The following HPSE variants were observed in gnomAD, a reference collection of about 807,000 sequenced individuals.
The protein encoded by HPSE is heparanase.
A neutral mutation model predicts 65.1 loss-of-function variants in HPSE; 48 were observed. The ratio of observed to expected loss-of-function variants is 0.74; its 90% CI spans 0.58 to 0.94. The LOEUF is 0.94. Ranked by LOEUF, HPSE falls within the 40% of genes least tolerant of loss-of-function variation. The pLI is 0.00. For synonymous variants in HPSE, 243 were observed against 260.0 expected, an observed-to-expected ratio of 0.93 and a Z score of 0.63; for missense variants, 644 against 637.5, an observed-to-expected ratio of 1.01 and a Z score of -0.11.
At chr4:83,301,557 T>A (rs1735949014) in intron 10 of HPSE, among the ~76,000 whole-genome samples, 1 of 152,196 alleles carries the variant, frequency 6.6e-6, no homozygotes, top group Non-Finnish European at 1.5e-5. Context: ...TGACATTTTT[T>A]ATGAATTTAT....
rs529459141 is a variant in HPSE at position 83,296,720 on chromosome 4, G to C, written c.1473-1217C>G. ...AAGAGAACGTATAAGATTAGTTACT[G>C]TCAGAGTTATATTTATATCATTTAG... On this transcript the variant is annotated intron_variant, in intron 11 of 11. Transcript: ENST00000311412. 2.6e-3 allele frequency among the ~76,000 whole-genome samples: 395 copies of C among 151,452 alleles called. 2 individuals carry two copies. The highest frequency in any genetic ancestry group is 9.0e-3 in the African/African-American group (373 of 41,348).
intron 11 of HPSE, among the ~76,000 whole-genome samples, chr4:83,296,836 T>A (rs945099699): frequency 6.6e-6 from 1 of 152,146 alleles, no homozygotes; most frequent in Non-Finnish European, 1.5e-5. Flanking sequence ...TTATTATTAC[T>A]AAGATAAATA....
In HPSE at chr4:83,306,319, T is replaced by C. The variant is rs1478857033; in HGVS notation, c.1092-2A>G. 6.4e-7 allele frequency: 1 copy of C among 1,570,602 alleles called. No individual in the cohort carries two copies. The highest frequency in any genetic ancestry group is 1.7e-5 in the Admixed American group (1 of 59,968). On this transcript the variant is annotated splice_acceptor_variant, in intron 8 of 11. Transcript: ENST00000311412. LOFTEE classifies it high-confidence loss of function. ...GACAGGCCCAATTTATCCAGCCACCTGGGACAGAGCAAGACCAAGCTTTCT... is the reference window on the plus strand; with the variant it reads ...GACAGGCCCAATTTATCCAGCCACCCGGGACAGAGCAAGACCAAGCTTTCT...
chr4:83,327,483 AC>A (rs1737198477), intron 1 of HPSE, among the ~76,000 whole-genome samples: 1 of 152,248 alleles, frequency 6.6e-6, no homozygotes, highest in Non-Finnish European at 1.5e-5. Context: ...CAGTATTTCA[AC>A]CATATACAAG....
Position 83,310,881 on chromosome 4 carries a change from CT to C in HPSE, c.682del (p.Ser228ValfsTer15). The C allele has an allele frequency of 6.2e-7, 1 of 1,611,768 alleles. No homozygotes were observed. Among genetic ancestry groups the C allele is most frequent in the Non-Finnish European group, 8.5e-7 (1 of 1,178,586 alleles). On this transcript the variant is annotated frameshift_variant, in exon 5 of 12. Transcript: ENST00000311412. LOFTEE classifies it high-confidence loss of function. ...GAAAATATCAGCCTTCTTAAGGAAA[CT>C]GTTAGGTTCTGAAAGACAGCAATTC... ...ISWELGNEPN[S>X]FLKKADIFIN...
At chr4:83,324,274 A>C (rs1488502191) in intron 1 of HPSE, among the ~76,000 whole-genome samples, 1 of 151,782 alleles carries the variant, frequency 6.6e-6, no homozygotes, top group African/African-American at 2.4e-5. Flanking sequence ...GGCGTGAACC[A>C]CCACACCTGG....
rs58369674 is a variant in HPSE at position 83,320,028 on chromosome 4, TAAAA to T, written c.374-563_374-560del. ...CTGGGCGACAAAGCGAGACACTGTCTAAAAAAAAAAAAAAAAAAAAAAGCTGGAA... is the reference window on the plus strand; with the variant it reads ...CTGGGCGACAAAGCGAGACACTGTCTAAAAAAAAAAAAAAAAAAGCTGGAA... On this transcript the variant is annotated intron_variant, in intron 2 of 11. Transcript: ENST00000311412. Among the ~76,000 whole-genome samples the T allele has an allele frequency of 7.2e-3, 772 of 107,964 alleles. 8 individuals are homozygous for T. Among genetic ancestry groups the T allele is most frequent in the African/African-American group, 0.022 (613 of 27,954 alleles). 70.8% of individuals were successfully genotyped at this position (107,964 alleles called of 152,430 possible). A position where few individuals can be genotyped will look rare whatever the true frequency, so the allele number is the denominator to read the frequency against.
intron 1 of HPSE, among the ~76,000 whole-genome samples, chr4:83,334,304 T>A (rs116466204): frequency 0.011 from 1,672 of 152,246 alleles, 28 homozygotes; most frequent in African/African-American, 0.038. Context: ...CAATGCAATA[T>A]ACCCATGGAA....
Position 83,317,259 on chromosome 4 carries a change from G to A in HPSE, c.499+2085C>T, listed in dbSNP as rs1736690106. On this transcript the variant is annotated intron_variant, in intron 3 of 11. Coordinates refer to ENST00000311412, the MANE Select transcript of HPSE (RefSeq NM_001098540.3). ...AAGCAATGAACATGTCCTTATCTCAGCAGCCTTTTGCTACCTCTTCTTTTG... is the reference window on the plus strand; with the variant it reads ...AAGCAATGAACATGTCCTTATCTCAACAGCCTTTTGCTACCTCTTCTTTTG... Among the ~76,000 whole-genome samples, 3 of 152,154 alleles carry A rather than the reference G, an allele frequency of 2.0e-5. No homozygotes were observed. The South Asian group carries it at 6.2e-4, about 32-fold the overall frequency.
intron 1 of HPSE, among the ~76,000 whole-genome samples, chr4:83,324,832 T>C (rs1021567486): frequency 6.6e-6 from 1 of 152,220 alleles, no homozygotes; most frequent in Non-Finnish European, 1.5e-5. Flanking sequence ...GAAGAAGTTC[T>C]GAGATAGATA....
chr4:83,314,425 A>G (rs913952148), intron 3 of HPSE, among the ~76,000 whole-genome samples: 16 of 152,204 alleles, frequency 1.1e-4, no homozygotes, highest in African/African-American at 3.6e-4. Flanking sequence ...CATCTATTGG[A>G]CAGCATTACT....
chr4:83,307,116 A>T (rs1463832714), intron 8 of HPSE, among the ~76,000 whole-genome samples: 1 of 152,204 alleles, frequency 6.6e-6, no homozygotes, highest in African/African-American at 2.4e-5. Flanking sequence ...ATTATCCTTA[A>T]AAGCTCTGAT....
At position 83,294,450 on chromosome 4, in the gene HPSE, C is replaced by A. The variant is rs1370759487; in HGVS notation, c.*894G>T. On this transcript the variant is annotated 3_prime_UTR_variant, in exon 12 of 12. Transcript: ENST00000311412. ...AGTCTTTCGCTGACTAGCAACACTG[C>A]ACAGAGGTAACATCAAATGATCTCC... The A allele has an allele frequency of 2.6e-5, 4 of 152,190 alleles. No individual in the cohort carries two copies. The highest frequency in any genetic ancestry group is 5.9e-5 in the Non-Finnish European group (4 of 68,060). The allele number at this position is 152,190 out of a possible 1,614,324, so 9.4% of individuals were successfully genotyped here.
chr4:83,333,708 C>A (rs1169691909), intron 1 of HPSE, among the ~76,000 whole-genome samples: 3 of 152,246 alleles, frequency 2.0e-5, no homozygotes, highest in Non-Finnish European at 4.4e-5. Context: ...GATAAGGCAG[C>A]ACCACATTTT....
At chr4:83,328,870 C>T (rs1254844648) in intron 1 of HPSE, among the ~76,000 whole-genome samples, 3 of 151,662 alleles carry the variant, frequency 2.0e-5, no homozygotes, top group Non-Finnish European at 2.9e-5. Flanking sequence ...GGGGAGGGGA[C>T]GGGATTCAGG....
chr4:83,331,136 G>A (rs1418085699), intron 1 of HPSE, among the ~76,000 whole-genome samples: 1 of 152,026 alleles, frequency 6.6e-6, no homozygotes, highest in South Asian at 2.1e-4. Flanking sequence ...CCCGGGAGGC[G>A]GAGGTTGCAG....
rs138550346 is a variant in HPSE, at chr4:83,302,208, C to T, written c.1267G>A (p.Val423Met). The change falls in exon 10 of 12, where the codon GTG (valine) becomes ATG (methionine). Residue 423 changes from valine (V) to methionine (M), a missense_variant. Transcript: ENST00000311412. ...LVGTKVLMAS[V>M]QGSKRRKLRV... ...AGCTTCCTTCTCTTTGAACCTTGCA[C>T]GCTTGCCATTAACACCTTGGTGCCC... 3.0e-5 allele frequency: 49 copies of T among 1,613,852 alleles called. No homozygotes were observed. The African/African-American group carries it at 3.2e-4, about 11-fold the overall frequency.
intron 2 of HPSE, among the ~76,000 whole-genome samples, chr4:83,321,987 CTT>C (rs36002405): frequency 4.3e-5 from 4 of 92,562 alleles, no homozygotes; most frequent in South Asian, 4.5e-4. Flanking sequence ...TCCAGGACGC[CTT>C]TTTTTTTTTT....
chr4:83,325,578 T>C (rs950480345), intron 1 of HPSE, among the ~76,000 whole-genome samples: 8 of 152,222 alleles, frequency 5.3e-5, no homozygotes, highest in Admixed American at 5.2e-4. Context: ...GGCATTATGC[T>C]AGTTGCTGGA....
Sources: gnomAD v4.1 joint callset for allele counts (sites outside exome capture counted in the v4.1 genomes callset) on GRCh38, gnomAD v4.1.1 for gene constraint, MANE v1.5 for transcripts, NCBI Gene and HGNC (gene_info 2026-07-23, HGNC 2026-07-21) for gene names.